ATP4A: variants seen among roughly 807,000 people sequenced by gnomAD.
ATP4A encodes the protein potassium-transporting ATPase alpha chain 1.
ATP4A carries 73 observed loss-of-function variants against 112.1 expected under a neutral mutation model. That is an observed-to-expected ratio of 0.65 (90% confidence interval 0.54 to 0.79). The LOEUF (loss-of-function observed/expected upper bound fraction) is 0.79. Ranked by LOEUF, ATP4A falls within the 30% of genes least tolerant of loss-of-function variation. ATP4A has a pLI of 0.00. For synonymous variants in ATP4A, 588 were observed against 588.9 expected, an observed-to-expected ratio of 1.00 and a Z score of 0.02; for missense variants, 1,081 against 1,425.9, an observed-to-expected ratio of 0.76 and a Z score of 3.90.
chr19:35,554,909 G>A lies in ATP4A; in HGVS notation c.2481+13C>T, dbSNP rs761195011. 6.2e-7 allele frequency: 1 copy of A among 1,614,018 alleles called. No individual in the cohort carries two copies. The highest frequency in any genetic ancestry group is 8.5e-7 in the Non-Finnish European group (1 of 1,180,008). ...GGCACCCTGTGGATGGGTACCCTGG[G>A]CTGTGGACTTACAATGTCAGTGCAG... On this transcript the variant is annotated intron_variant, in intron 16 of 21. Coordinates refer to ENST00000262623, the MANE Select transcript of ATP4A (RefSeq NM_000704.3).
Position 35,558,892 on chromosome 19 carries a change from C to G in ATP4A, c.1255+101G>C, listed in dbSNP as rs1239144806. On this transcript the variant is annotated intron_variant, in intron 8 of 21. Transcript: ENST00000262623. This position sits in a 1 kb window ranked among gnomAD's most constrained non-coding sequence, Gnocchi z 5.1. ...TCCTTTGAGACCTGGAGCCGAGCCG[C>G]CCCGCCTTCGTACAAAGCCCTCCCT... The G allele has an allele frequency of 4.8e-6, 7 of 1,461,740 alleles. No homozygotes were observed. The East Asian group carries it at 1.6e-4, about 33-fold the overall frequency. 90.5% of individuals were successfully genotyped at this position (1,461,740 alleles called of 1,614,324 possible).
Position 35,551,613 on chromosome 19 carries a change from G to A in ATP4A, c.2752-33C>T, listed in dbSNP as rs1262912800. On this transcript the variant is annotated intron_variant, in intron 18 of 21. Coordinates refer to ENST00000262623, the MANE Select transcript of ATP4A (RefSeq NM_000704.3). This position sits in a 1 kb window ranked among gnomAD's most constrained non-coding sequence, Gnocchi z 5.2. Reference sequence around the variant, plus strand: ...CCAGGGGCAAACGGAAACAGCCTGAGTCCAGCCTGAGTCCCGGCGGAGAGC... The same window carrying A: ...CCAGGGGCAAACGGAAACAGCCTGAATCCAGCCTGAGTCCCGGCGGAGAGC... 6.2e-7 allele frequency: 1 copy of A among 1,602,000 alleles called. No homozygotes were observed. The highest frequency in any genetic ancestry group is 8.5e-7 in the Non-Finnish European group (1 of 1,174,172).
Position 35,560,318 on chromosome 19 carries a change from G to A in ATP4A, c.787+45C>T, listed in dbSNP as rs374158800. 32 of 1,607,826 alleles carry A rather than the reference G, an allele frequency of 2.0e-5. No homozygotes were observed. The highest frequency in any genetic ancestry group is 2.5e-5 in the Non-Finnish European group (30 of 1,176,498). ...CTAGAAGATAGCAGGAGAGAGGCCAGTGGAGGCAGCAGTTACTGGGCAGGC... is the reference window on the plus strand; with the variant it reads ...CTAGAAGATAGCAGGAGAGAGGCCAATGGAGGCAGCAGTTACTGGGCAGGC... On this transcript the variant is annotated intron_variant, in intron 6 of 21. Coordinates refer to ENST00000262623, the MANE Select transcript of ATP4A (RefSeq NM_000704.3). This position sits in a 1 kb window ranked among gnomAD's most constrained non-coding sequence, Gnocchi z 5.1.
At position 35,558,599 on chromosome 19, in the gene ATP4A, T is replaced by C. The variant is rs1313139642; in HGVS notation, c.1343A>G (p.Gln448Arg). The change falls in exon 9 of 22, where the codon CAG becomes CGG. Residue 448 changes from glutamine (Q) to arginine (R), a missense_variant. Gln to Arg is a conservative substitution (Grantham distance 43). Around this residue, in one of 3 missense-constraint regions of ATP4A, gnomAD observed 850 missense variants for 1,068.2 expected, o/e 0.80. Coordinates refer to ENST00000262623, the MANE Select transcript of ATP4A (RefSeq NM_000704.3). This position sits in a 1 kb window ranked among gnomAD's most constrained non-coding sequence, Gnocchi z 5.1. ...LCNRAAFKSGQDAVPVPKRIV... is the reference protein window; with the variant it reads ...LCNRAAFKSGRDAVPVPKRIV... ...CACCTTGGGCACAGGCACTGCATCC[T>C]GGCCGGACTTGAAGGCGGCGCGGTT... The C allele has an allele frequency of 1.2e-6, 2 of 1,603,746 alleles. No homozygotes were observed. Among genetic ancestry groups the C allele is most frequent in the Admixed American group, 3.4e-5 (2 of 58,084 alleles).
At position 35,563,245 on chromosome 19, in the gene ATP4A, C is replaced by T. The variant is rs777997498; in HGVS notation, c.180G>A (p.Ala60=). The T allele has an allele frequency of 1.0e-4, 168 of 1,613,934 alleles. 1 individual carries two copies. The highest frequency in any genetic ancestry group is 1.3e-4 in the Admixed American group (8 of 59,992). The change falls in exon 3 of 22, where the codon GCG becomes GCA. Residue 60 remains alanine, a synonymous_variant. Coordinates refer to ENST00000262623, the MANE Select transcript of ATP4A (RefSeq NM_000704.3). ...MEINDHQLSV[A]ELEQKYQTSA... ...TGGTCTGGTATTTCTGTTCCAGCTC[C>T]GCCACTGACAGCTGGTGGTCGTTCT...
rs1425578714 is a variant in ATP4A at position 35,555,083 on chromosome 19, G to A, written c.2327-7C>T. ...TTGTCGAAGATCAGTCGACCTGTGGGGTAGGGTGGGCACCTCAGCCTCCTC... is the reference window on the plus strand; with the variant it reads ...TTGTCGAAGATCAGTCGACCTGTGGAGTAGGGTGGGCACCTCAGCCTCCTC... On this transcript the variant is annotated splice_polypyrimidine_tract_variant and splice_region_variant and intron_variant, in intron 15 of 21. Transcript: ENST00000262623. This position sits in a 1 kb window ranked among gnomAD's most constrained non-coding sequence, Gnocchi z 6.6. The A allele has an allele frequency of 1.2e-6, 2 of 1,612,966 alleles. No individual in the cohort carries two copies. Among genetic ancestry groups the A allele is most frequent in the East Asian group, 2.2e-5 (1 of 44,890 alleles).
chr19:35,551,146 A>T lies in ATP4A; in HGVS notation c.2886-35T>A. ...GGCAGAATGGGACAGGCCATTAGGA[A>T]TTGGGGACGTGATGGAAATCAGGAT... is the stretch of plus-strand genomic sequence containing the variant. On this transcript the variant is annotated intron_variant, in intron 19 of 21. Transcript: ENST00000262623. This position sits in a 1 kb window ranked among gnomAD's most constrained non-coding sequence, Gnocchi z 5.2. 1 of 1,565,162 alleles carries T rather than the reference A, an allele frequency of 6.4e-7. No individual in the cohort carries two copies. Among genetic ancestry groups the T allele is most frequent in the Non-Finnish European group, 8.7e-7 (1 of 1,150,544 alleles).
In ATP4A at chr19:35,555,115, C is replaced by T. The variant is rs1283363705; in HGVS notation, c.2327-39G>A. 6.2e-7 allele frequency: 1 copy of T among 1,613,630 alleles called. No individual in the cohort carries two copies. The highest frequency in any genetic ancestry group is 1.3e-5 in the African/African-American group (1 of 75,006). On this transcript the variant is annotated intron_variant, in intron 15 of 21. Transcript: ENST00000262623. This position sits in a 1 kb window ranked among gnomAD's most constrained non-coding sequence, Gnocchi z 6.6. ...TGGGCACCTCAGCCTCCTCACAGCCCTCTCCCTCCTGTGCCCACACTGCCT... is the reference window on the plus strand; with the variant it reads ...TGGGCACCTCAGCCTCCTCACAGCCTTCTCCCTCCTGTGCCCACACTGCCT...
rs113572161 is a variant in ATP4A at position 35,550,322 on chromosome 19, G to A, written c.*293C>T. The stretch of plus-strand genomic sequence containing the variant: ...AAGAACAGAAACACCCTCCAGAAGC[G>A]GTCAGCTGTACTCCCTGTCAGAGCC... On this transcript the variant is annotated 3_prime_UTR_variant, in exon 22 of 22. Transcript: ENST00000262623. The surrounding 1 kb of genome is among the most constrained non-coding windows in gnomAD (Gnocchi z 4.1). The A allele has an allele frequency of 2.3e-4, 110 of 481,368 alleles. No homozygotes were observed. The highest frequency in any genetic ancestry group is 1.8e-3 in the African/African-American group (91 of 51,434). The allele number at this position is 481,368 out of a possible 1,614,324, so 29.8% of individuals were successfully genotyped here. A position where few individuals can be genotyped will look rare whatever the true frequency, so the allele number is the denominator to read the frequency against.
intron 3 of ATP4A, 34 bp downstream of exon 3, chr19:35,563,174 CT>C: frequency 6.2e-7 from 1 of 1,612,014 alleles, no homozygotes. Context: ...CTCTCTCCTC[CT>C]CCCCTTTCTG....
Position 35,559,229 on chromosome 19 carries a change from C to A in ATP4A, c.1057-38G>T. On this transcript the variant is annotated intron_variant, in intron 7 of 21. Transcript: ENST00000262623. The surrounding 1 kb of genome is among the most constrained non-coding windows in gnomAD (Gnocchi z 4.1). ...TGAGCACCGCAGGCTGGGGACCCAC[C>A]CTGGCTTCCAGTCCTCTTCCCCGCG... 1 of 1,606,270 alleles carries A rather than the reference C, an allele frequency of 6.2e-7. No homozygotes were observed. Among genetic ancestry groups the A allele is most frequent in the Non-Finnish European group, 8.5e-7 (1 of 1,175,364 alleles).
chr19:35,553,429 CAG>C (rs1568313243), intron 17 of ATP4A, among the ~76,000 whole-genome samples: 2 of 151,944 alleles, frequency 1.3e-5, no homozygotes, highest in Admixed American at 6.5e-5. Context: ...GAGGCAGGGA[CAG>C]AGAGAAAAAG....
Position 35,558,771 on chromosome 19 carries a change from G to A in ATP4A, c.1256-85C>T, listed in dbSNP as rs2071649200. On this transcript the variant is annotated intron_variant, in intron 8 of 21. Transcript: ENST00000262623. This position sits in a 1 kb window ranked among gnomAD's most constrained non-coding sequence, Gnocchi z 5.1. Reference sequence around the variant, plus strand: ...CCCCCTCCTCCTAGGCTCATATCGCGGGCCCCCTCCCCAGACCTGGGTGGA... The same window carrying A: ...CCCCCTCCTCCTAGGCTCATATCGCAGGCCCCCTCCCCAGACCTGGGTGGA... The A allele has an allele frequency of 1.4e-6, 2 of 1,409,532 alleles. No individual in the cohort carries two copies. The highest frequency in any genetic ancestry group is 2.3e-5 in the Admixed American group (1 of 42,592). The allele number at this position is 1,409,532 out of a possible 1,614,324, so 87.3% of individuals were successfully genotyped here.
chr19:35,554,550 T>C (rs2071619271), intron 16 of ATP4A, among the ~76,000 whole-genome samples: 2 of 152,230 alleles, frequency 1.3e-5, no homozygotes, highest in Admixed American at 1.3e-4. Context: ...TTTCTGTCTG[T>C]CTGCCATGGG....
In ATP4A at chr19:35,550,720, C is replaced by G; in HGVS notation, c.3080-77G>C. The G allele has an allele frequency of 1.2e-6, 2 of 1,609,632 alleles. No homozygotes were observed. Among genetic ancestry groups the G allele is most frequent in the Non-Finnish European group, 1.7e-6 (2 of 1,176,204 alleles). The stretch of plus-strand genomic sequence containing the variant: ...AGGGCCAGGGGCTCAGAGGTCAGTG[C>G]TGGTTGCTATGGAGGGTCAAGGGCT... On this transcript the variant is annotated intron_variant, in intron 21 of 21. Transcript: ENST00000262623. This position sits in a 1 kb window ranked among gnomAD's most constrained non-coding sequence, Gnocchi z 4.1.
In ATP4A at chr19:35,558,896, G is replaced by C. The variant is rs1458809066; in HGVS notation, c.1255+97C>G. 3 of 1,474,506 alleles carry C rather than the reference G, an allele frequency of 2.0e-6. No individual in the cohort carries two copies. Among genetic ancestry groups the C allele is most frequent in the Non-Finnish European group, 1.9e-6 (2 of 1,073,762 alleles). The allele number at this position is 1,474,506 out of a possible 1,614,324, so 91.3% of individuals were successfully genotyped here. A position where few individuals can be genotyped will look rare whatever the true frequency, so the allele number is the denominator to read the frequency against. Reference sequence around the variant, plus strand: ...TTGAGACCTGGAGCCGAGCCGCCCCGCCTTCGTACAAAGCCCTCCCTACCT... The same window carrying C: ...TTGAGACCTGGAGCCGAGCCGCCCCCCCTTCGTACAAAGCCCTCCCTACCT... On this transcript the variant is annotated intron_variant, in intron 8 of 21. Coordinates refer to ENST00000262623, the MANE Select transcript of ATP4A (RefSeq NM_000704.3). The surrounding 1 kb of genome is among the most constrained non-coding windows in gnomAD (Gnocchi z 5.1).
rs751519247 is a variant in ATP4A at position 35,557,103 on chromosome 19, G to A, written c.1694-15C>T. ...CTGGCAGAAGCCTGACCGGAAACGG[G>A]GAAGTCAGGGAAGAGCCCTGGGCAC... On this transcript the variant is annotated splice_polypyrimidine_tract_variant and intron_variant, in intron 11 of 21. Transcript: ENST00000262623. The surrounding 1 kb of genome is among the most constrained non-coding windows in gnomAD (Gnocchi z 4.4). 21 of 1,613,914 alleles carry A rather than the reference G, an allele frequency of 1.3e-5. No homozygotes were observed. The highest frequency in any genetic ancestry group is 1.8e-5 in the Non-Finnish European group (21 of 1,179,938).
rs764349733 is a variant in ATP4A, at chr19:35,560,022, C to T, written c.839G>A (p.Arg280His). 2.3e-5 allele frequency: 37 copies of T among 1,614,132 alleles called. No individual in the cohort carries two copies. The highest frequency in any genetic ancestry group is 4.5e-5 in the East Asian group (2 of 44,898). ...CACCCCCGACGCCAGCGATGCGATG[C>T]GCCCAATGATGGTGCGGTCGCCCGT... ...VNTGDRTIIG[R>H]IASLASGVEN... The change falls in exon 7 of 22, where the codon CGC becomes CAC. Residue 280 changes from arginine (R) to histidine (H), a missense_variant. Arg to His is a conservative substitution (Grantham distance 29). Transcript: ENST00000262623. This position sits in a 1 kb window ranked among gnomAD's most constrained non-coding sequence, Gnocchi z 5.1.
In ATP4A at chr19:35,558,969, G is replaced by T. The variant is rs770006441; in HGVS notation, c.1255+24C>A. The stretch of plus-strand genomic sequence containing the variant: ...ACCATCCACCAGATCCTGCCCTGGC[G>T]CCTGTGCCCTCCCTCCCCCACACCT... On this transcript the variant is annotated intron_variant, in intron 8 of 21. Coordinates refer to ENST00000262623, the MANE Select transcript of ATP4A (RefSeq NM_000704.3). This position sits in a 1 kb window ranked among gnomAD's most constrained non-coding sequence, Gnocchi z 5.1. 1.6e-5 allele frequency: 25 copies of T among 1,612,798 alleles called. No individual in the cohort carries two copies. Among genetic ancestry groups the T allele is most frequent in the Non-Finnish European group, 2.0e-5 (24 of 1,179,196 alleles).
Sources: gnomAD v4.1 joint callset for allele counts (sites outside exome capture counted in the v4.1 genomes callset) on GRCh38, gnomAD v4.1.1 for gene constraint, gnomAD v4.1.1 regional missense constraint, Gnocchi (gnomAD v3.1) non-coding constraint, MANE v1.5 for transcripts, NCBI Gene and HGNC (gene_info 2026-07-23, HGNC 2026-07-21) for gene names.